The following NBEA variants were observed in gnomAD, a reference collection of about 807,000 sequenced individuals.
NBEA encodes the protein lysosomal-trafficking regulator 2.
Under a neutral mutation model 343.4 loss-of-function variants are expected in NBEA, and 44 were observed. The ratio of observed to expected loss-of-function variants is 0.13; its 90% CI spans 0.10 to 0.16. The LOEUF is 0.16. Among genes scored for constraint, NBEA ranks in the 10% least tolerant of loss-of-function variants. NBEA has a pLI of 1.00. For missense variants in NBEA, 2,555 were observed against 3,631.3 expected, an observed-to-expected ratio of 0.70 and a Z score of 7.62; for synonymous variants, 1,175 against 1,238.7, an observed-to-expected ratio of 0.95 and a Z score of 1.08.
chr13:35,186,959 A>G (rs1419649682), intron 30 of NBEA, among the ~76,000 whole-genome samples: 1 of 152,092 alleles, frequency 6.6e-6, no homozygotes, highest in African/African-American at 2.4e-5. Flanking sequence ...AATAACAAAA[A>G]CAGTTGTGCT....
At chr13:35,153,179 C>T (rs1342959176) in intron 18 of NBEA, among the ~76,000 whole-genome samples, 1 of 151,618 alleles carries the variant, frequency 6.6e-6, no homozygotes, top group East Asian at 1.9e-4. Context: ...ACTACAGGTG[C>T]CTGCCACCAC....
intron 17 of NBEA, among the ~76,000 whole-genome samples, chr13:35,132,931 G>A (rs746187031): frequency 7.9e-5 from 12 of 152,070 alleles, no homozygotes; most frequent in Non-Finnish European, 1.5e-4. Flanking sequence ...AAAACTCTTT[G>A]GAAGTGCAGG....
chr13:34,988,574 G>C (rs555388910), intron 1 of NBEA, among the ~76,000 whole-genome samples: 9 of 151,166 alleles, frequency 6.0e-5, no homozygotes, highest in African/African-American at 2.2e-4. Context: ...CAGTGAGCAA[G>C]TCTCTGTGGG....
intron 41 of NBEA, among the ~76,000 whole-genome samples, chr13:35,534,993 A>G: frequency 6.6e-6 from 1 of 152,238 alleles, no homozygotes; most frequent in East Asian, 1.9e-4. Flanking sequence ...AAGAGAAAAA[A>G]ATAATCCTGG....
At chr13:35,347,924 C>T (rs943661184) in intron 36 of NBEA, among the ~76,000 whole-genome samples, 1 of 152,008 alleles carries the variant, frequency 6.6e-6, no homozygotes, top group Non-Finnish European at 1.5e-5. Flanking sequence ...GTGATGTGGG[C>T]TTCTCTCAGG....
chr13:35,582,795 T>C (rs1468972381), intron 45 of NBEA, among the ~76,000 whole-genome samples: 1 of 152,158 alleles, frequency 6.6e-6, no homozygotes, highest in Non-Finnish European at 1.5e-5. Flanking sequence ...ATTGTGTTAT[T>C]TGAATTAGTC....
chr13:35,625,411 G>A (rs941181408), intron 48 of NBEA, among the ~76,000 whole-genome samples: 8 of 152,102 alleles, frequency 5.3e-5, no homozygotes, highest in African/African-American at 1.9e-4. Flanking sequence ...GAGCTCAGGA[G>A]TTTGAGACCA....
intron 58 of NBEA, among the ~76,000 whole-genome samples, chr13:35,670,127 ATTT>A (rs1165870989): frequency 1.2e-4 from 19 of 152,312 alleles, no homozygotes; most frequent in African/African-American, 4.6e-4. Context: ...CTCAAAAGGT[ATTT>A]ATTGGATGAG....
chr13:35,124,948 ATAAAC>A (rs2067038534), intron 17 of NBEA, among the ~76,000 whole-genome samples: 1 of 152,132 alleles, frequency 6.6e-6, no homozygotes, highest in African/African-American at 2.4e-5. Context: ...GTTAATTAAA[ATAAAC>A]TGACTGGAGA....
At chr13:35,326,817 C>A (rs2038592435) in intron 36 of NBEA, among the ~76,000 whole-genome samples, 2 of 152,076 alleles carry the variant, frequency 1.3e-5, no homozygotes, top group African/African-American at 4.8e-5. Flanking sequence ...AGCTCCAGCA[C>A]AGTGAAAGTA....
At chr13:35,515,448 A>G (rs1433066207) in intron 41 of NBEA, among the ~76,000 whole-genome samples, 1 of 152,224 alleles carries the variant, frequency 6.6e-6, no homozygotes, top group Non-Finnish European at 1.5e-5. Context: ...CCAAAATCAC[A>G]GCAAAAATTC....
intron 31 of NBEA, among the ~76,000 whole-genome samples, chr13:35,198,185 T>C (rs2072761258): frequency 6.6e-6 from 1 of 152,152 alleles, no homozygotes; most frequent in South Asian, 2.1e-4. Context: ...CTTTTTCACA[T>C]ATTTGGTTTA....
chr13:35,448,312 A>T (rs544573156), intron 39 of NBEA, among the ~76,000 whole-genome samples: 1 of 152,312 alleles, frequency 6.6e-6, no homozygotes, highest in South Asian at 2.1e-4. Context: ...ACTGACAAAG[A>T]TTACCCATGA....
At chr13:35,103,725 A>G (rs539109854) in intron 11 of NBEA, among the ~76,000 whole-genome samples, 29 of 151,978 alleles carry the variant, frequency 1.9e-4, no homozygotes, top group African/African-American at 3.9e-4. Context: ...TGGCATTACT[A>G]TTCAACAAGT....
At chr13:35,139,693 A>T (rs2152693007) in intron 17 of NBEA, among the ~76,000 whole-genome samples, 1 of 143,444 alleles carries the variant, frequency 7.0e-6, no homozygotes, top group Admixed American at 7.1e-5. Flanking sequence ...GAACAAAATC[A>T]TGTGATGTAC....
At chr13:35,346,109 T>G (rs1396533084) in intron 36 of NBEA, among the ~76,000 whole-genome samples, 1 of 152,050 alleles carries the variant, frequency 6.6e-6, no homozygotes, top group African/African-American at 2.4e-5. Context: ...ACAGGAGTCT[T>G]TTGTTACAAA....
At chr13:35,249,813 C>A (rs1050136735) in intron 34 of NBEA, among the ~76,000 whole-genome samples, 2 of 152,114 alleles carry the variant, frequency 1.3e-5, no homozygotes, top group Non-Finnish European at 2.9e-5. Flanking sequence ...ATGGTCAAGT[C>A]GTGGAAGCAA....
At chr13:35,138,794 A>G (rs2067893706) in intron 17 of NBEA, among the ~76,000 whole-genome samples, 1 of 152,010 alleles carries the variant, frequency 6.6e-6, no homozygotes. Context: ...GTTATATTTT[A>G]TGACACTGAA....
At chr13:34,997,334 G>C (rs1473992165) in intron 1 of NBEA, among the ~76,000 whole-genome samples, 1 of 152,144 alleles carries the variant, frequency 6.6e-6, no homozygotes, top group African/African-American at 2.4e-5. Flanking sequence ...TCTCCATGAG[G>C]GAACAATTCG....
Sources: allele counts gnomAD v4.1 joint callset (sites outside exome capture counted in the v4.1 genomes callset), GRCh38; gene constraint gnomAD v4.1.1; transcripts MANE v1.5; gene names NCBI Gene and HGNC (gene_info 2026-07-23, HGNC 2026-07-21).